The following ANXA5 variants were observed in gnomAD, a reference collection of about 807,000 sequenced individuals.
ANXA5 encodes CBP-I.
In ANXA5, 40 loss-of-function variants were observed where a neutral mutation model predicts 48.1. The ratio of observed to expected loss-of-function variants is 0.83; its 90% CI spans 0.65 to 1.08. The LOEUF is 1.08. Among genes scored for constraint, ANXA5 ranks in the 50% least tolerant of loss-of-function variants. ANXA5 has a pLI of 0.00. For synonymous variants in ANXA5, 113 were observed against 129.1 expected (o/e 0.88, Z 0.85); for missense variants, 357 against 376.8 (o/e 0.95, Z 0.44).
Position 121,683,355 on chromosome 4 carries a change from C to G in ANXA5, c.303+9G>C. ...ATGCAAGAATGTTCCTTTCACTCAT[C>G]CTTTTTACCTTCAAGGCATGTTTCA... On this transcript the variant is annotated intron_variant, in intron 5 of 12. Coordinates refer to ENST00000296511, the MANE Select transcript of ANXA5 (RefSeq NM_001154.4). 1 of 1,532,906 alleles carries G rather than the reference C, an allele frequency of 6.5e-7. No individual in the cohort carries two copies. The highest frequency in any genetic ancestry group is 9.0e-7 in the Non-Finnish European group (1 of 1,114,324). 95.0% of individuals were successfully genotyped at this position (1,532,906 alleles called of 1,614,324 possible).
chr4:121,668,322 TC>T lies in ANXA5; in HGVS notation c.*145del. ...TCAGAAAGAAGCACCACTATTTTCTTCTATGACGTGTATGTGTTGGTCATGA... is the reference window on the plus strand; with the variant it reads ...TCAGAAAGAAGCACCACTATTTTCTTTATGACGTGTATGTGTTGGTCATGA... On this transcript the variant is annotated 3_prime_UTR_variant, in exon 13 of 13. Transcript: ENST00000296511. The T allele has an allele frequency of 1.5e-6, 1 of 660,286 alleles. No individual in the cohort carries two copies. The highest frequency in any genetic ancestry group is 2.7e-6 in the Non-Finnish European group (1 of 371,878). 40.9% of individuals were successfully genotyped at this position (660,286 alleles called of 1,614,324 possible).
In ANXA5 at chr4:121,684,732, C is replaced by T. The variant is rs1396794753; in HGVS notation, c.134G>A (p.Arg45Gln). ...GATTTCCTGGCGCTGAGCATTACTT[C>T]GGGATGTCAACAGAGTCAGGATGCT... is the stretch of plus-strand genomic sequence containing the variant. ...EESILTLLTS[R>Q]SNAQRQEISA... is the part of the protein sequence containing the mutation. Residue 45 changes from arginine to glutamine, a missense_variant, in exon 4 of 13, where the codon CGA becomes CAA. Coordinates refer to ENST00000296511, the MANE Select transcript of ANXA5 (RefSeq NM_001154.4). 4.3e-6 allele frequency: 7 copies of T among 1,613,980 alleles called. No homozygotes were observed. The highest frequency in any genetic ancestry group is 1.6e-4 in the Middle Eastern group (1 of 6,062).
At chr4:121,679,626 G>A (rs563698826) in intron 6 of ANXA5, among the ~76,000 whole-genome samples, 71 of 152,082 alleles carry the variant, frequency 4.7e-4, no homozygotes, top group African/African-American at 1.6e-3. Flanking sequence ...GGCCCTCTCC[G>A]TCCCTCAATA....
intron 6 of ANXA5, 35 bp downstream of exon 6, chr4:121,681,636 G>C: frequency 7.1e-7 from 1 of 1,408,398 alleles, no homozygotes; most frequent in Non-Finnish European, 1.0e-6. Flanking sequence ...AGTGATAGTG[G>C]AGGTGAAGTC....
intron 6 of ANXA5, among the ~76,000 whole-genome samples, chr4:121,678,978 A>G (rs2110483169): frequency 6.6e-6 from 1 of 152,286 alleles, no homozygotes; most frequent in East Asian, 1.9e-4. Context: ...GACAGCAATG[A>G]TATTTTAAAG....
At chr4:121,695,365 AG>A (rs1241168521) in intron 2 of ANXA5, among the ~76,000 whole-genome samples, 4 of 152,260 alleles carry the variant, frequency 2.6e-5, no homozygotes, top group African/African-American at 9.6e-5. Flanking sequence ...GAAAGGACCA[AG>A]AAACCTTTTT....
intron 2 of ANXA5, among the ~76,000 whole-genome samples, chr4:121,691,775 G>A (rs1017215395): frequency 5.9e-5 from 9 of 152,056 alleles, no homozygotes; most frequent in Admixed American, 1.3e-4. Flanking sequence ...TTAGAGGCCC[G>A]TTAATATTTC....
In ANXA5 at chr4:121,671,702, T is replaced by A; in HGVS notation, c.626-60A>T. On this transcript the variant is annotated intron_variant, in intron 9 of 12. Transcript: ENST00000296511. ...GGGATCACTCTTTCCAGAAAGATGG[T>A]ATTTACTTTGATTAGGTAGTGTCTT... 6 of 1,202,772 alleles carry A rather than the reference T, an allele frequency of 5.0e-6. No individual in the cohort carries two copies. The Admixed American group carries it at 1.1e-4, about 21-fold the overall frequency. 74.5% of individuals were successfully genotyped at this position (1,202,772 alleles called of 1,614,324 possible). A position where few individuals can be genotyped will look rare whatever the true frequency, so the allele number is the denominator to read the frequency against.
At chr4:121,673,065 A>G (rs1222732628) in intron 8 of ANXA5, among the ~76,000 whole-genome samples, 1 of 152,224 alleles carries the variant, frequency 6.6e-6, no homozygotes, top group Non-Finnish European at 1.5e-5. Flanking sequence ...CACATGAGTA[A>G]AAGTACACTT....
chr4:121,692,017 C>T (rs1046048224), intron 2 of ANXA5, among the ~76,000 whole-genome samples: 3 of 152,116 alleles, frequency 2.0e-5, no homozygotes, highest in Non-Finnish European at 2.9e-5. Context: ...TTGCTCTAAT[C>T]CCAACTCAGA....
intron 2 of ANXA5, among the ~76,000 whole-genome samples, chr4:121,695,859 G>A (rs117112560): frequency 2.6e-5 from 4 of 151,166 alleles, no homozygotes; most frequent in African/African-American, 9.7e-5. Context: ...AGATCACTAC[G>A]TCACTGGACT....
intron 2 of ANXA5, among the ~76,000 whole-genome samples, chr4:121,695,990 AC>A (rs1725073348): frequency 6.6e-6 from 1 of 151,654 alleles, no homozygotes; most frequent in South Asian, 2.1e-4. Flanking sequence ...TCAATTGAGA[AC>A]TCGTTCCACG....
intron 7 of ANXA5, 84 bp downstream of exon 7, chr4:121,678,331 T>C: frequency 9.1e-7 from 1 of 1,100,724 alleles, no homozygotes; most frequent in Non-Finnish European, 1.3e-6. Flanking sequence ...ATTAAAAGAA[T>C]TTTAAGTGAC....
At chr4:121,680,273 TTG>T (rs1048653250) in intron 6 of ANXA5, among the ~76,000 whole-genome samples, 6 of 151,308 alleles carry the variant, frequency 4.0e-5, no homozygotes, top group African/African-American at 7.3e-5. Context: ...GTGTCTGTGT[TTG>T]TGTGTGTGTG....
At chr4:121,694,519 G>T (rs1725045898) in intron 2 of ANXA5, among the ~76,000 whole-genome samples, 1 of 148,680 alleles carries the variant, frequency 6.7e-6, no homozygotes, top group Admixed American at 6.7e-5. Context: ...CGAGTAGCTG[G>T]GATTACAGTT....
chr4:121,677,766 A>G, intron 8 of ANXA5, 128 bp downstream of exon 8: 1 of 821,730 alleles, frequency 1.2e-6, no homozygotes, highest in East Asian at 2.5e-5. Flanking sequence ...GTCTTATGCT[A>G]TGTAAATAAC....
In ANXA5 at chr4:121,677,915, A is replaced by G. The variant is rs138817916; in HGVS notation, c.510T>C (p.Ala170=). Residue 170 remains alanine (A), a synonymous_variant, in exon 8 of 13, where the codon GCT becomes GCC. Coordinates refer to ENST00000296511, the MANE Select transcript of ANXA5 (RefSeq NM_001154.4). The stretch of plus-strand genomic sequence containing the variant: ...TCACCTGAGCATCTTGTTCAACTTG[A>G]GCTTCATCAATTCCAGCATCAGGGT... The part of the protein sequence containing the change: ...NRDPDAGIDE[A]QVEQDAQALF... 1,432 of 1,613,802 alleles carry G rather than the reference A, an allele frequency of 8.9e-4. 19 individuals are homozygous for G. The highest frequency in any genetic ancestry group is 5.5e-4 in the Admixed American group (33 of 60,016).
chr4:121,669,673 C>T lies in ANXA5; in HGVS notation c.832G>A (p.Glu278Lys), dbSNP rs1724578973. 9 of 1,612,846 alleles carry T rather than the reference C, an allele frequency of 5.6e-6. No homozygotes were observed. The highest frequency in any genetic ancestry group is 1.3e-5 in the African/African-American group (1 of 74,758). The change falls in exon 12 of 13, where the codon GAG (glutamate) becomes AAG (lysine). Residue 278 changes from glutamate (E) to lysine (K), a missense_variant. Glu to Lys is a moderately conservative substitution (Grantham distance 56). Coordinates refer to ENST00000296511, the MANE Select transcript of ANXA5 (RefSeq NM_001154.4). ...TTCCTGATGTTAAACAGATCAATCT[C>T]ACTCCTGGAAACCATGACTCTGATG... ...TLIRVMVSRS[E>K]IDLFNIRKEF...
intron 2 of ANXA5, among the ~76,000 whole-genome samples, chr4:121,687,764 C>T (rs899176533): frequency 2.4e-4 from 37 of 152,166 alleles, no homozygotes; most frequent in African/African-American, 8.9e-4. Context: ...AAGTGGCACT[C>T]ATGGATCCAG....
Sources: allele counts gnomAD v4.1 joint callset (sites outside exome capture counted in the v4.1 genomes callset), GRCh38; gene constraint gnomAD v4.1.1; transcripts MANE v1.5; gene names NCBI Gene and HGNC (gene_info 2026-07-23, HGNC 2026-07-21).